Variants in SMCO2 observed in about 807,000 individuals in gnomAD.
The protein encoded by SMCO2 is single-pass membrane protein with coiled-coil domains 2.
SMCO2 carries 25 observed loss-of-function variants against 29.5 expected under a neutral mutation model. The ratio of observed to expected loss-of-function variants is 0.85; its 90% CI spans 0.62 to 1.18. The LOEUF (loss-of-function observed/expected upper bound fraction) is 1.18, where lower values mean the gene tolerates loss of function less well. Ranked by LOEUF, SMCO2 falls within the 50% of genes most tolerant of loss-of-function variation. The pLI, the probability that SMCO2 is intolerant of heterozygous loss-of-function variation, is 0.00. For synonymous variants in SMCO2, 117 were observed against 123.3 expected (o/e 0.95, Z 0.34); for missense variants, 348 against 344.5 (o/e 1.01, Z -0.08).
intron 7 of SMCO2, among the ~76,000 whole-genome samples, chr12:27,498,750 T>C (rs1243834157): frequency 2.0e-5 from 3 of 149,138 alleles, no homozygotes; most frequent in Admixed American, 6.6e-5. Flanking sequence ...AACAACCCAG[T>C]TTGAAAAACA....
the SMCO2 span, among the ~76,000 whole-genome samples, chr12:27,435,300 C>G: frequency 1.1e-4 from 2 of 17,680 alleles, 1 homozygote; most frequent in Admixed American, 4.6e-4. Flanking sequence ...CCCCCCCCCC[C>G]CCGGCAATTG....
chr12:27,431,903 A>G, the SMCO2 span, among the ~76,000 whole-genome samples: 1 of 152,136 alleles, frequency 6.6e-6, no homozygotes, highest in Non-Finnish European at 1.5e-5. Flanking sequence ...CAGTTTCTCC[A>G]CATCCTTGCC....
chr12:27,441,432 C>G, the SMCO2 span, among the ~76,000 whole-genome samples: 1 of 152,086 alleles, frequency 6.6e-6, no homozygotes, highest in African/African-American at 2.4e-5. Flanking sequence ...GCATGACTAA[C>G]TATACTTATA....
At chr12:27,501,926 A>G in exon 8 of SMCO2, 1 of 1,534,104 alleles carries the variant, frequency 6.5e-7, no homozygotes, top group Non-Finnish European at 8.8e-7. Flanking sequence ...TTTGTAGGAA[A>G]CGTGCACTGA....
chr12:27,458,159 T>C, the SMCO2 span, among the ~76,000 whole-genome samples: 1 of 152,180 alleles, frequency 6.6e-6, no homozygotes, highest in Non-Finnish European at 1.5e-5. Context: ...AAATTTAACT[T>C]AAGCGCATTA....
the SMCO2 span, among the ~76,000 whole-genome samples, chr12:27,443,731 A>G: frequency 0.034 from 5,125 of 152,248 alleles, 131 homozygotes; most frequent in East Asian, 0.12. Context: ...AACAATTTGT[A>G]AAAAATCAAG....
At chr12:27,451,443 C>T in the SMCO2 span, among the ~76,000 whole-genome samples, 1 of 151,990 alleles carries the variant, frequency 6.6e-6, no homozygotes, top group Admixed American at 6.5e-5. Context: ...ACATTTTTAT[C>T]AAATGATCAA....
intron 5 of SMCO2, among the ~76,000 whole-genome samples, chr12:27,492,557 C>T (rs1480936961): frequency 1.3e-5 from 2 of 151,906 alleles, no homozygotes; most frequent in Admixed American, 1.3e-4. Flanking sequence ...GACATACATG[C>T]GGCCAAGAAA....
At chr12:27,436,545 C>G in the SMCO2 span, among the ~76,000 whole-genome samples, 1 of 151,964 alleles carries the variant, frequency 6.6e-6, no homozygotes, top group Non-Finnish European at 1.5e-5. Flanking sequence ...GAGGAAGAAA[C>G]GAAAAGAAGA....
chr12:27,495,940 T>C (rs1032780507), intron 7 of SMCO2, 85 bp downstream of exon 8: 1 of 1,242,992 alleles, frequency 8.0e-7, no homozygotes, highest in Non-Finnish European at 1.0e-6. Context: ...TTTCAAGTGT[T>C]GACTAAAATG....
At chr12:27,433,626 ATTATT>A in the SMCO2 span, among the ~76,000 whole-genome samples, 60 of 152,296 alleles carry the variant, frequency 3.9e-4, 1 homozygote, top group African/African-American at 1.2e-3. Context: ...ACTTTTAGTG[ATTATT>A]TTAAACTATA....
At chr12:27,491,472 G>A (rs979723159) in intron 5 of SMCO2, among the ~76,000 whole-genome samples, 3 of 152,194 alleles carry the variant, frequency 2.0e-5, no homozygotes, top group African/African-American at 7.2e-5. Context: ...CCAAATAAGA[G>A]GTGATTGTCA....
intron 1 of SMCO2, among the ~76,000 whole-genome samples, chr12:27,469,567 C>T (rs1445948319): frequency 6.6e-6 from 1 of 152,182 alleles, no homozygotes; most frequent in African/African-American, 2.4e-5. Context: ...TCTGTCATCC[C>T]CTCTTGTCCC....
the SMCO2 span, among the ~76,000 whole-genome samples, chr12:27,427,696 ATTCAT>A: frequency 6.6e-6 from 1 of 152,276 alleles, no homozygotes; most frequent in Admixed American, 6.5e-5. Flanking sequence ...ACCTCTTGTA[ATTCAT>A]GATGGTTGAC....
chr12:27,457,723 A>T, the SMCO2 span, among the ~76,000 whole-genome samples: 2 of 152,266 alleles, frequency 1.3e-5, no homozygotes, highest in African/African-American at 4.8e-5. Flanking sequence ...TTTCTTTCAA[A>T]GCATCTTCCT....
At chr12:27,491,105 A>G (rs1023916005) in intron 5 of SMCO2, among the ~76,000 whole-genome samples, 1 of 152,230 alleles carries the variant, frequency 6.6e-6, no homozygotes, top group Non-Finnish European at 1.5e-5. Context: ...TGGGAAAATT[A>G]AAGGAGAAAT....
intron 7 of SMCO2, 128 bp downstream of exon 8, chr12:27,495,983 G>A: frequency 4.9e-6 from 5 of 1,030,332 alleles, no homozygotes; most frequent in East Asian, 2.7e-5. Flanking sequence ...AATTATCTAT[G>A]TTCTTTAAAA....
chr12:27,455,098 A>G, the SMCO2 span, among the ~76,000 whole-genome samples: 4 of 152,204 alleles, frequency 2.6e-5, no homozygotes, highest in Non-Finnish European at 5.9e-5. Flanking sequence ...CAGGATGACC[A>G]GGCTGTCAGG....
At chr12:27,447,906 C>T in the SMCO2 span, among the ~76,000 whole-genome samples, 101,949 of 151,330 alleles carry the variant, frequency 0.67, 34,739 homozygotes, top group Middle Eastern at 0.8. Flanking sequence ...GAAACTCAGC[C>T]GAGTGCCTCT....
Sources: allele counts gnomAD v4.1 joint callset (sites outside exome capture counted in the v4.1 genomes callset), GRCh38; gene constraint gnomAD v4.1.1; transcripts MANE v1.5; gene names NCBI Gene and HGNC (gene_info 2026-07-23, HGNC 2026-07-21).